Variants in HIBCH observed in about 807,000 individuals in gnomAD.
The protein encoded by HIBCH is 3-hydroxyisobutyryl-CoA hydrolase, also known as 3-hydroxyisobutyryl-CoA hydrolase, mitochondrial.
HIBCH carries 50 observed loss-of-function variants against 58.2 expected under a neutral mutation model. The observed-to-expected ratio is 0.86, with a 90% confidence interval of 0.68 to 1.09. The LOEUF is 1.09. HIBCH is among the 50% of genes least tolerant of loss of function. HIBCH has a pLI of 0.00. For missense variants in HIBCH, 450 were observed against 449.7 expected (o/e 1.00, Z -0.01); for synonymous variants, 151 against 146.9 (o/e 1.03, Z -0.20).
In HIBCH at chr2:190,211,436, G is replaced by A. The variant is rs372349362; in HGVS notation, c.1011+1520C>T. On this transcript the variant is annotated intron_variant, in intron 12 of 13. Coordinates refer to ENST00000359678, the MANE Select transcript of HIBCH (RefSeq NM_014362.4). This position sits in a 1 kb window ranked among gnomAD's most constrained non-coding sequence, Gnocchi z 5.0. ...GAAATCTATATCTGGTCTCTAAACC[G>A]TTCTTGAACCTCTCCAACCCTATCT... Among the ~76,000 whole-genome samples the A allele has an allele frequency of 6.6e-5, 10 of 152,076 alleles. No homozygotes were observed. Among genetic ancestry groups the A allele is most frequent in the South Asian group, 6.2e-4 (3 of 4,824 alleles).
Position 190,304,966 on chromosome 2 carries a change from C to A in HIBCH, c.78+5788G>T, listed in dbSNP as rs1203405450. On this transcript the variant is annotated intron_variant, in intron 2 of 13. Coordinates refer to ENST00000359678, the MANE Select transcript of HIBCH (RefSeq NM_014362.4). This position sits in a 1 kb window ranked among gnomAD's most constrained non-coding sequence, Gnocchi z 4.1. ...AAGCACAAAAAATCCTGGGTTCTAGCCTTAAGTCTCTCTAACTGTGTGGTC... is the reference window on the plus strand; with the variant it reads ...AAGCACAAAAAATCCTGGGTTCTAGACTTAAGTCTCTCTAACTGTGTGGTC... Among the ~76,000 whole-genome samples the A allele has an allele frequency of 1.3e-5, 1 of 76,544 alleles. No individual in the cohort carries two copies. The highest frequency in any genetic ancestry group is 2.7e-4 in the East Asian group (1 of 3,666). The allele number at this position is 76,544 out of a possible 152,430, so 50.2% of individuals were successfully genotyped here. A position where few individuals can be genotyped will look rare whatever the true frequency, so the allele number is the denominator to read the frequency against.
At chr2:190,260,824 A>C (rs1179340987) in intron 7 of HIBCH, among the ~76,000 whole-genome samples, 1 of 152,158 alleles carries the variant, frequency 6.6e-6, no homozygotes, top group African/African-American at 2.4e-5. Flanking sequence ...ATTAACTCAG[A>C]AGTGTCATAT....
chr2:190,217,028 C>G lies in HIBCH; in HGVS notation c.892-3953G>C, dbSNP rs1685565758. On this transcript the variant is annotated intron_variant, in intron 11 of 13. Coordinates refer to ENST00000359678, the MANE Select transcript of HIBCH (RefSeq NM_014362.4). The surrounding 1 kb of genome is among the most constrained non-coding windows in gnomAD (Gnocchi z 4.6). The stretch of plus-strand genomic sequence containing the variant: ...GGAAGTGAGGGTGGAGCCAGGGATG[C>G]TTTTGCTAATGAAAGTGCCCCTCAG... Among the ~76,000 whole-genome samples the G allele has an allele frequency of 6.6e-6, 1 of 152,166 alleles. No individual in the cohort carries two copies. The highest frequency in any genetic ancestry group is 2.4e-5 in the African/African-American group (1 of 41,438).
chr2:190,310,659 G>A (rs1688533223), intron 2 of HIBCH, 95 bp downstream of exon 2: 2 of 1,021,242 alleles, frequency 2.0e-6, no homozygotes, highest in Non-Finnish European at 3.1e-6. Context: ...TAAGGTCAAG[G>A]AAATCTGCCA....
chr2:190,226,595 CAAAAAAAAAAAAAAAAA>C lies in HIBCH; in HGVS notation c.892-13537_892-13521del, dbSNP rs752856547. Among the ~76,000 whole-genome samples the C allele has an allele frequency of 6.5e-4, 19 of 29,400 alleles. No homozygotes were observed. In the Admixed American group the frequency reaches 7.3e-3, roughly 11 times the overall value. 19.3% of individuals were successfully genotyped at this position (29,400 alleles called of 152,430 possible). On this transcript the variant is annotated intron_variant, in intron 11 of 13. Transcript: ENST00000359678. Reference sequence around the variant, plus strand: ...GGGCAACAAGAGTGAAACTCCGTCTCAAAAAAAAAAAAAAAAAAAAAAAAAAAAGAGGAAGTCAAATT... The same window carrying C: ...GGGCAACAAGAGTGAAACTCCGTCTCAAAAAAAAAAAGAGGAAGTCAAATT...
At chr2:190,194,212 A>C (rs1338267003) in intron 1 of HIBCH, among the ~76,000 whole-genome samples, 2 of 152,148 alleles carry the variant, frequency 1.3e-5, no homozygotes, top group Non-Finnish European at 2.9e-5. Flanking sequence ...AAGAATATGT[A>C]ATAGTTGTTG....
chr2:190,252,485 G>T (rs994647962), intron 7 of HIBCH, among the ~76,000 whole-genome samples, 178 bp from the exon 8 acceptor site: 1 of 152,192 alleles, frequency 6.6e-6, no homozygotes, highest in Non-Finnish European at 1.5e-5. Context: ...GCTATGAACT[G>T]TGCTAACTTG....
intron 6 of HIBCH, among the ~76,000 whole-genome samples, chr2:190,265,445 ATCTTTTGC>A (rs1446830241): frequency 7.0e-6 from 1 of 141,908 alleles, no homozygotes; most frequent in Non-Finnish European, 1.5e-5. Flanking sequence ...GTCTGTTCCA[ATCTTTTGC>A]TCTTTTTTTT....
intron 11 of HIBCH, among the ~76,000 whole-genome samples, chr2:190,240,979 T>C (rs759163491): frequency 1.1e-4 from 17 of 152,250 alleles, no homozygotes; most frequent in Non-Finnish European, 2.4e-4. Flanking sequence ...GTTCTACAGA[T>C]GTCTATTAGG....
rs1688680978 is a variant in HIBCH, at chr2:190,315,055, C to G, written c.36-4259G>C. On this transcript the variant is annotated intron_variant, in intron 1 of 13. Coordinates refer to ENST00000359678, the MANE Select transcript of HIBCH (RefSeq NM_014362.4). This position sits in a 1 kb window ranked among gnomAD's most constrained non-coding sequence, Gnocchi z 5.4. ...CTCTGCCTTCCGGGTTCACGCCATT[C>G]TCCTGCCTCAGTCTCCTGAGTAGCT... Among the ~76,000 whole-genome samples, 1 of 152,086 alleles carries G rather than the reference C, an allele frequency of 6.6e-6. No homozygotes were observed. The highest frequency in any genetic ancestry group is 6.6e-5 in the Admixed American group (1 of 15,262).
At position 190,315,380 on chromosome 2, in the gene HIBCH, G is replaced by A. The variant is rs984883827; in HGVS notation, c.35+4336C>T. Among the ~76,000 whole-genome samples the A allele has an allele frequency of 6.6e-6, 1 of 152,142 alleles. No individual in the cohort carries two copies. The highest frequency in any genetic ancestry group is 1.5e-5 in the Non-Finnish European group (1 of 68,024). ...GTACCATCAACATCCCCTGGAAACT[G>A]ACTAGAAACTGAAATTCTCTGCCCC... On this transcript the variant is annotated intron_variant, in intron 1 of 13. Transcript: ENST00000359678. This position sits in a 1 kb window ranked among gnomAD's most constrained non-coding sequence, Gnocchi z 5.4.
In HIBCH at chr2:190,254,558, T is replaced by A. The variant is rs959933743; in HGVS notation, c.518-2251A>T. 6.6e-6 allele frequency among the ~76,000 whole-genome samples: 1 copy of A among 151,354 alleles called. No homozygotes were observed. The highest frequency in any genetic ancestry group is 1.5e-5 in the Non-Finnish European group (1 of 68,034). ...ACACTGAACTCTTAGATCTGCCACC[T>A]AAACAGAACCACATAGATAATAAGT... On this transcript the variant is annotated intron_variant, in intron 7 of 13. Transcript: ENST00000359678. This position sits in a 1 kb window ranked among gnomAD's most constrained non-coding sequence, Gnocchi z 5.0.
At chr2:190,295,572 C>G (rs893342925) in intron 3 of HIBCH, among the ~76,000 whole-genome samples, 1 of 152,138 alleles carries the variant, frequency 6.6e-6, no homozygotes, top group Non-Finnish European at 1.5e-5. Context: ...GATGTTCAAC[C>G]TGTACTAGAG....
At position 190,252,206 on chromosome 2, in the gene HIBCH, C is replaced by G. The variant is rs1186250523; in HGVS notation, c.619G>C (p.Val207Leu). The G allele has an allele frequency of 6.2e-7, 1 of 1,613,888 alleles. No individual in the cohort carries two copies. The highest frequency in any genetic ancestry group is 1.7e-5 in the Admixed American group (1 of 60,022). Residue 207 changes from valine to leucine, a missense_variant, in exon 8 of 14, where the codon GTG (valine) becomes CTG (leucine). Coordinates refer to ENST00000359678, the MANE Select transcript of HIBCH (RefSeq NM_014362.4). ...TGTGTAGCAATTCCTGCTCTGTACA[C>G]ATCTCTTCCTTTTAGTCTGAATCCT... is the stretch of plus-strand genomic sequence containing the variant. Reference protein sequence around the residue: ...LTGFRLKGRDVYRAGIATHFV... With the variant: ...LTGFRLKGRDLYRAGIATHFV...
chr2:190,314,345 ATG>A (rs777308195), intron 1 of HIBCH, among the ~76,000 whole-genome samples: 33 of 41,502 alleles, frequency 8.0e-4, no homozygotes, highest in African/African-American at 1.9e-3. Flanking sequence ...ATACATATAT[ATG>A]TGTATATATA....
chr2:190,222,370 G>A (rs1685746084), intron 11 of HIBCH, among the ~76,000 whole-genome samples: 1 of 151,398 alleles, frequency 6.6e-6, no homozygotes, highest in Admixed American at 6.6e-5. Flanking sequence ...GCTTCCATAT[G>A]AATTTGTCTA....
intron 4 of HIBCH, among the ~76,000 whole-genome samples, chr2:190,293,457 AAAAAAAAT>A (rs928800633): frequency 1.4e-3 from 19 of 13,846 alleles, no homozygotes; most frequent in South Asian, 0.01. Flanking sequence ...CCGTCTCAAA[AAAAAAAAT>A]AAATAAATAA....
At chr2:190,297,642 C>T (rs1049978928) in intron 2 of HIBCH, among the ~76,000 whole-genome samples, 4 of 152,154 alleles carry the variant, frequency 2.6e-5, no homozygotes, top group Non-Finnish European at 4.4e-5. Context: ...GGTCTCACTG[C>T]TTATGTATTT....
chr2:190,205,707 G>GTGGATAC (rs1376447661), intron 13 of HIBCH, among the ~76,000 whole-genome samples: 2 of 152,088 alleles, frequency 1.3e-5, no homozygotes, highest in Non-Finnish European at 2.9e-5. Flanking sequence ...ATAATTAAAT[G>GTGGATAC]TGGATACTGT....
Sources: allele counts gnomAD v4.1 joint callset (sites outside exome capture counted in the v4.1 genomes callset), GRCh38; gene constraint gnomAD v4.1.1; non-coding constraint Gnocchi (gnomAD v3.1); transcripts MANE v1.5; gene names NCBI Gene and HGNC (gene_info 2026-07-23, HGNC 2026-07-21).